NAT10: variants seen among roughly 807,000 people sequenced by gnomAD.
NAT10 encodes the protein RNA cytidine acetyltransferase.
NAT10 carries 109 observed loss-of-function variants against 132.2 expected under a neutral mutation model. The ratio of observed to expected loss-of-function variants is 0.82; its 90% CI spans 0.71 to 0.97. The LOEUF is 0.97. Among genes scored for constraint, NAT10 ranks in the 50% least tolerant of loss-of-function variants. The pLI, the probability that NAT10 is intolerant of heterozygous loss-of-function variation, is 0.00. For synonymous variants in NAT10, 479 were observed against 478.0 expected (o/e 1.00, Z -0.03); for missense variants, 1,184 against 1,263.4 (o/e 0.94, Z 0.95).
intron 11 of NAT10, among the ~76,000 whole-genome samples, chr11:34,126,125 C>T (rs753866857): frequency 3.9e-5 from 6 of 152,214 alleles, no homozygotes; most frequent in Non-Finnish European, 7.3e-5. Context: ...ACCCAACACT[C>T]AGGTTTAAGT....
Position 34,141,102 on chromosome 11 carries a change from G to A in NAT10, c.2606G>A (p.Gly869Glu), listed in dbSNP as rs2132981389. ...LSAAQSALLL[G>E]IGLQHKSVDQ... Reference sequence around the variant, plus strand: ...TCCATCCTTTAGGCTCTTCTCTTGGGGATTGGCCTGCAGCATAAGTCTGTG... The same window carrying A: ...TCCATCCTTTAGGCTCTTCTCTTGGAGATTGGCCTGCAGCATAAGTCTGTG... The change falls in exon 25 of 29, where the codon GGG becomes GAG. Residue 869 changes from glycine (G) to glutamate (E), a missense_variant. Coordinates refer to ENST00000257829, the MANE Select transcript of NAT10 (RefSeq NM_024662.3). 6.2e-7 allele frequency: 1 copy of A among 1,613,980 alleles called. No individual in the cohort carries two copies. The highest frequency in any genetic ancestry group is 8.5e-7 in the Non-Finnish European group (1 of 1,179,994).
In NAT10 at chr11:34,141,049, G is replaced by C. The variant is rs374360842; in HGVS notation, c.2593-40G>C. On this transcript the variant is annotated intron_variant, in intron 24 of 28. Transcript: ENST00000257829. ...TGGCGCCATTTTAATGGGCAAGGGC[G>C]TGTCCTAGAGGCCCACCCAGCAGAT... 4.3e-6 allele frequency: 7 copies of C among 1,613,116 alleles called. No homozygotes were observed. The African/African-American group carries it at 9.4e-5, about 22-fold the overall frequency.
At chr11:34,122,616 T>C (rs759711601) in intron 9 of NAT10, 24 bp downstream of exon 9, 50 of 1,612,628 alleles carry the variant, frequency 3.1e-5, no homozygotes, top group Non-Finnish European at 4.2e-5. Flanking sequence ...GTCCCCCATC[T>C]TTAGGAACTC....
chr11:34,112,110 A>G lies in NAT10; in HGVS notation c.259A>G (p.Ile87Val), dbSNP rs1006206686. The change falls in exon 4 of 29, where the codon ATA (isoleucine) becomes GTA (valine). Residue 87 changes from isoleucine to valine, a missense_variant. Transcript: ENST00000257829. ...GAAAATAAAGAATGGAACACTGAAC[A>G]TAAAGCAGGACGACCCCTTTGAACT... ...QKKIKNGTLN[I>V]KQDDPFELFI... The G allele has an allele frequency of 1.2e-6, 2 of 1,614,242 alleles. No individual in the cohort carries two copies. The highest frequency in any genetic ancestry group is 1.7e-5 in the Admixed American group (1 of 60,030).
At position 34,138,665 on chromosome 11, in the gene NAT10, T is replaced by G. The variant is rs146180997; in HGVS notation, c.2212-526T>G. Among the ~76,000 whole-genome samples, 970 of 152,228 alleles carry G rather than the reference T, an allele frequency of 6.4e-3. 15 individuals are homozygous for G. The highest frequency in any genetic ancestry group is 0.022 in the African/African-American group (924 of 41,544). On this transcript the variant is annotated intron_variant, in intron 21 of 28. Coordinates refer to ENST00000257829, the MANE Select transcript of NAT10 (RefSeq NM_024662.3). ...ACTGTTCATTTGTGACTTGGTGGTG[T>G]TTTTATGGTGTGGGGCTTTGTTGTT...
intron 15 of NAT10, 115 bp downstream of exon 15, chr11:34,132,336 G>A (rs1047726631): frequency 2.4e-6 from 2 of 833,784 alleles, no homozygotes; most frequent in Non-Finnish European, 2.0e-6. Flanking sequence ...TGTTCCATTG[G>A]GACATTGATG....
chr11:34,140,614 T>C (rs1288612714), intron 24 of NAT10, 42 bp downstream of exon 24: 1 of 1,591,562 alleles, frequency 6.3e-7, no homozygotes, highest in Admixed American at 1.7e-5. Flanking sequence ...GCGAGGATTG[T>C]GGAGCTGTTC....
In NAT10 at chr11:34,140,484, A is replaced by C. The variant is rs1015800918; in HGVS notation, c.2504A>C (p.Tyr835Ser). The change falls in exon 24 of 29, where the codon TAT (tyrosine) becomes TCT (serine). Residue 835 changes from tyrosine to serine, a missense_variant. Coordinates refer to ENST00000257829, the MANE Select transcript of NAT10 (RefSeq NM_024662.3). ...ATGTATTCACGGAATATGGTGGACTATCACCTCATCATGGACATGATCCCG... is the reference window on the plus strand; with the variant it reads ...ATGTATTCACGGAATATGGTGGACTCTCACCTCATCATGGACATGATCCCG... ...LEMYSRNMVDYHLIMDMIPAI... is the reference protein window; with the variant it reads ...LEMYSRNMVDSHLIMDMIPAI... 5 of 1,614,040 alleles carry C rather than the reference A, an allele frequency of 3.1e-6. No homozygotes were observed. The highest frequency in any genetic ancestry group is 1.7e-5 in the Admixed American group (1 of 59,998).
chr11:34,111,911 C>A, intron 3 of NAT10, 141 bp from the exon 4 acceptor site: 1 of 904,014 alleles, frequency 1.1e-6, no homozygotes, highest in Non-Finnish European at 1.7e-6. Flanking sequence ...CTGCCCTCCA[C>A]CTGAAGTGGG....
intron 8 of NAT10, among the ~76,000 whole-genome samples, chr11:34,119,548 A>G (rs1851850137): frequency 6.6e-6 from 1 of 152,254 alleles, no homozygotes; most frequent in South Asian, 2.1e-4. Flanking sequence ...AACTGATTCT[A>G]GTTAAGTAGT....
intron 11 of NAT10, among the ~76,000 whole-genome samples, chr11:34,125,556 C>T (rs1418630108): frequency 1.3e-5 from 2 of 152,222 alleles, no homozygotes; most frequent in Non-Finnish European, 2.9e-5. Context: ...AAGTTGGCTT[C>T]ACCTCCCCTG....
intron 3 of NAT10, among the ~76,000 whole-genome samples, chr11:34,109,371 C>T (rs1214448352): frequency 2.0e-5 from 3 of 152,206 alleles, no homozygotes; most frequent in Non-Finnish European, 4.4e-5. Context: ...ACCCAGATTT[C>T]TCTCTCAGGT....
At chr11:34,113,124 G>C (rs1590761128) in intron 4 of NAT10, among the ~76,000 whole-genome samples, 1 of 152,126 alleles carries the variant, frequency 6.6e-6, no homozygotes, top group African/African-American at 2.4e-5. Flanking sequence ...TCTTCTACTT[G>C]CTGCCATGAT....
Position 34,113,718 on chromosome 11 carries a change from T to C in NAT10, c.375T>C (p.Asp125=), listed in dbSNP as rs767655683. ...GNTFGMCVLQ[D]FEALTPNLLA... ...TTTCTAACGCCCCCTTCTTCCAGGA[T>C]TTTGAAGCCTTAACTCCAAACTTGC... The change falls in exon 5 of 29, where the codon GAT becomes GAC. Residue 125 remains aspartate (D), a splice_region_variant and synonymous_variant. Transcript: ENST00000257829. 1 of 1,613,022 alleles carries C rather than the reference T, an allele frequency of 6.2e-7. No homozygotes were observed. The highest frequency in any genetic ancestry group is 8.5e-7 in the Non-Finnish European group (1 of 1,179,632).
intron 23 of NAT10, among the ~76,000 whole-genome samples, chr11:34,140,194 G>A (rs566973933): frequency 6.6e-6 from 1 of 152,302 alleles, no homozygotes; most frequent in Admixed American, 6.5e-5. Context: ...GGGTCCTGTG[G>A]CAGCCGTCCC....
In NAT10 at chr11:34,145,529, T is replaced by C. The variant is rs139640617; in HGVS notation, c.2970-555T>C. Among the ~76,000 whole-genome samples the C allele has an allele frequency of 2.9e-4, 44 of 152,348 alleles. No individual in the cohort carries two copies. The East Asian group carries it at 4.0e-3, about 14-fold the overall frequency. On this transcript the variant is annotated intron_variant, in intron 28 of 28. Transcript: ENST00000257829. ...AGTGATTCCTATGCCAGGATATCAATGAAGAATCCAGGGGCTGGTCGCAGG... is the reference window on the plus strand; with the variant it reads ...AGTGATTCCTATGCCAGGATATCAACGAAGAATCCAGGGGCTGGTCGCAGG...
chr11:34,124,529 T>G (rs780260535), intron 11 of NAT10, 129 bp downstream of exon 11: 6 of 600,200 alleles, frequency 1.0e-5, no homozygotes, highest in Non-Finnish European at 1.7e-5. Context: ...ATGGTGGTGT[T>G]GTATGCTAAA....
At position 34,141,160 on chromosome 11, in the gene NAT10, G is replaced by A. The variant is rs111242071; in HGVS notation, c.2664G>A (p.Ser888=). ...DQLEKEIELP[S]GQLMGLFNRI... The stretch of plus-strand genomic sequence containing the variant: ...TGGAAAAGGAGATTGAGCTGCCCTC[G>A]GGCCAGTTGATGGGACTTTTCAACC... The change falls in exon 25 of 29, where the codon TCG becomes TCA. Residue 888 remains serine, a synonymous_variant. Coordinates refer to ENST00000257829, the MANE Select transcript of NAT10 (RefSeq NM_024662.3). 3 of 1,613,850 alleles carry A rather than the reference G, an allele frequency of 1.9e-6. No homozygotes were observed. Among genetic ancestry groups the A allele is most frequent in the Non-Finnish European group, 1.7e-6 (2 of 1,180,000 alleles).
intron 10 of NAT10, 40 bp downstream of exon 10, chr11:34,123,895 T>C (rs1851938884): frequency 1.3e-6 from 2 of 1,491,628 alleles, no homozygotes; most frequent in Non-Finnish European, 1.9e-6. Flanking sequence ...TTGGACCTGG[T>C]GTGGTGGCTC....
Sources: allele counts gnomAD v4.1 joint callset (sites outside exome capture counted in the v4.1 genomes callset), GRCh38; gene constraint gnomAD v4.1.1; transcripts MANE v1.5; gene names NCBI Gene and HGNC (gene_info 2026-07-23, HGNC 2026-07-21).